TSHZ2: variants seen among roughly 807,000 people sequenced by gnomAD.
The protein encoded by TSHZ2 is teashirt zinc finger homeobox 2.
Under a neutral mutation model 74.4 loss-of-function variants are expected in TSHZ2, and 21 were observed. The ratio of observed to expected loss-of-function variants is 0.28; its 90% CI spans 0.20 to 0.41. The LOEUF (loss-of-function observed/expected upper bound fraction) is 0.41, where lower values mean the gene tolerates loss of function less well. Among genes scored for constraint, TSHZ2 ranks in the 10% least tolerant of loss-of-function variants. The pLI is 1.00. For missense variants in TSHZ2, 1,244 were observed against 1,293.5 expected (o/e 0.96, Z 0.59); for synonymous variants, 540 against 515.3 (o/e 1.05, Z -0.65).
rs1248185489 is a variant in TSHZ2, at chr20:53,158,891, A to G, written c.41-94608A>G. 2.0e-5 allele frequency among the ~76,000 whole-genome samples: 3 copies of G among 152,368 alleles called. No homozygotes were observed. In the East Asian group the frequency reaches 5.8e-4, roughly 29 times the overall value. On this transcript the variant is annotated intron_variant, in intron 1 of 2. Coordinates refer to ENST00000371497, the MANE Select transcript of TSHZ2 (RefSeq NM_173485.6). ...GCCCACTTTGCACACAAAAGCCACAACAATCTTTCTTTAAACCTTAAAACA... is the reference window on the plus strand; with the variant it reads ...GCCCACTTTGCACACAAAAGCCACAGCAATCTTTCTTTAAACCTTAAAACA...
chr20:53,428,771 A>C (rs1451929568), intron 2 of TSHZ2, among the ~76,000 whole-genome samples: 3 of 152,134 alleles, frequency 2.0e-5, no homozygotes, highest in Non-Finnish European at 4.4e-5. Flanking sequence ...CTTCCACATC[A>C]TGCCCCCACA....
intron 2 of TSHZ2, among the ~76,000 whole-genome samples, chr20:53,281,920 G>A (rs1471552653): frequency 6.6e-6 from 1 of 152,204 alleles, no homozygotes; most frequent in East Asian, 1.9e-4. Context: ...GGCAGCAAGG[G>A]CACTCTGTGT....
intron 1 of TSHZ2, among the ~76,000 whole-genome samples, chr20:53,023,758 C>T (rs1983334530): frequency 6.6e-6 from 1 of 152,084 alleles, no homozygotes; most frequent in African/African-American, 2.4e-5. Flanking sequence ...CTGTGGGAAA[C>T]AGGAATATCA....
At position 52,973,079 on chromosome 20, in the gene TSHZ2, G is replaced by A. The variant is rs1201968505; in HGVS notation, c.-215G>A. On this transcript the variant is annotated 5_prime_UTR_variant, in exon 1 of 3. Coordinates refer to ENST00000371497, the MANE Select transcript of TSHZ2 (RefSeq NM_173485.6). ...ACCAACCTCTACTTCAAAGCAGCCG[G>A]CACAAGCCACCCGTGTCTGCCACCC... is the stretch of plus-strand genomic sequence containing the variant. 3.8e-6 allele frequency: 2 copies of A among 528,876 alleles called. No individual in the cohort carries two copies. Among genetic ancestry groups the A allele is most frequent in the East Asian group, 3.3e-5 (1 of 30,650 alleles). The allele number at this position is 528,876 out of a possible 1,614,324, so 32.8% of individuals were successfully genotyped here. A position where few individuals can be genotyped will look rare whatever the true frequency, so the allele number is the denominator to read the frequency against.
intron 2 of TSHZ2, among the ~76,000 whole-genome samples, chr20:53,454,175 A>G (rs1160815340): frequency 6.6e-6 from 1 of 152,214 alleles, no homozygotes; most frequent in Non-Finnish European, 1.5e-5. Flanking sequence ...TGCTAGACTT[A>G]GAGGACCCTT....
At chr20:53,450,732 G>A (rs1013406534) in intron 2 of TSHZ2, among the ~76,000 whole-genome samples, 1 of 152,110 alleles carries the variant, frequency 6.6e-6, no homozygotes, top group African/African-American at 2.4e-5. Context: ...ATGTTGCCCA[G>A]GCTGGTCTTG....
At chr20:53,084,273 C>T (rs1011465993) in intron 1 of TSHZ2, among the ~76,000 whole-genome samples, 3 of 152,168 alleles carry the variant, frequency 2.0e-5, no homozygotes, top group African/African-American at 7.2e-5. Flanking sequence ...TTTGAAGAAC[C>T]CTTGGAATTA....
intron 1 of TSHZ2, among the ~76,000 whole-genome samples, chr20:53,065,257 A>T (rs1328083912): frequency 1.3e-5 from 2 of 152,202 alleles, no homozygotes; most frequent in Non-Finnish European, 2.9e-5. Flanking sequence ...TATTATTACA[A>T]ATTATTGTTG....
At chr20:53,127,548 CTT>C (rs1279453215) in intron 1 of TSHZ2, among the ~76,000 whole-genome samples, 1 of 151,938 alleles carries the variant, frequency 6.6e-6, no homozygotes, top group Non-Finnish European at 1.5e-5. Context: ...TCCAAAAAAA[CTT>C]TTTTTAATAG....
rs577347044 is a variant in TSHZ2 at position 53,236,790 on chromosome 20, T to C, written c.41-16709T>C. Among the ~76,000 whole-genome samples the C allele has an allele frequency of 4.6e-5, 7 of 152,340 alleles. No homozygotes were observed. The South Asian group carries it at 1.0e-3, about 23-fold the overall frequency. Reference sequence around the variant, plus strand: ...AGGCAAAGGAGAAGCAAACATGTCCTTCTTCACATGGCAGCAGGAGAGAGA... The same window carrying C: ...AGGCAAAGGAGAAGCAAACATGTCCCTCTTCACATGGCAGCAGGAGAGAGA... On this transcript the variant is annotated intron_variant, in intron 1 of 2. Transcript: ENST00000371497.
At chr20:53,348,330 A>G (rs1338651203) in intron 2 of TSHZ2, among the ~76,000 whole-genome samples, 6 of 152,240 alleles carry the variant, frequency 3.9e-5, no homozygotes, top group Non-Finnish European at 7.3e-5. Context: ...ATGGTGCAAC[A>G]TGGATGAACC....
intron 1 of TSHZ2, among the ~76,000 whole-genome samples, chr20:53,162,764 G>T (rs1247558977): frequency 2.0e-5 from 3 of 152,108 alleles, no homozygotes; most frequent in African/African-American, 7.2e-5. Flanking sequence ...CTGTTACCTT[G>T]CACATTCTAA....
chr20:53,259,657 G>C (rs2426479), intron 2 of TSHZ2, among the ~76,000 whole-genome samples: 104,787 of 152,100 alleles, frequency 0.69, 36,655 homozygotes, highest in African/African-American at 0.82. Flanking sequence ...TGTTGTGGGC[G>C]GCTTGATAAA....
chr20:53,115,979 G>GCT (rs1986655540), intron 1 of TSHZ2, among the ~76,000 whole-genome samples: 1 of 152,208 alleles, frequency 6.6e-6, no homozygotes, highest in Non-Finnish European at 1.5e-5. Context: ...CCAATGGGCT[G>GCT]CTGTGGTTAC....
intron 2 of TSHZ2, among the ~76,000 whole-genome samples, chr20:53,441,265 AT>A (rs1984310238): frequency 7.0e-5 from 9 of 128,056 alleles, no homozygotes; most frequent in East Asian, 2.3e-4. Flanking sequence ...ATTTTATTTT[AT>A]TTTATTTTAT....
chr20:53,455,559 TTTC>T (rs931762274), intron 2 of TSHZ2: 2 of 152,168 alleles, frequency 1.3e-5, no homozygotes, highest in African/African-American at 4.8e-5. Context: ...TGAATATGTT[TTTC>T]TTTTTTTATT....
chr20:53,361,416 C>T (rs1343289337), intron 2 of TSHZ2, among the ~76,000 whole-genome samples: 2 of 152,224 alleles, frequency 1.3e-5, no homozygotes, highest in African/African-American at 4.8e-5. Flanking sequence ...GCCGAGGCTT[C>T]TCCAACATTC....
chr20:53,168,066 A>G (rs1276896473), intron 1 of TSHZ2, among the ~76,000 whole-genome samples: 3 of 152,110 alleles, frequency 2.0e-5, no homozygotes, highest in African/African-American at 7.2e-5. Context: ...TCAGTTGGTC[A>G]TTGTTCTTTT....
chr20:53,368,288 T>C (rs990652557), intron 2 of TSHZ2, among the ~76,000 whole-genome samples: 21 of 151,556 alleles, frequency 1.4e-4, no homozygotes, highest in Middle Eastern at 6.8e-3. Context: ...GACTCGATGG[T>C]AATTTTTTGT....
Sources: gnomAD v4.1 joint callset for allele counts (sites outside exome capture counted in the v4.1 genomes callset) on GRCh38, gnomAD v4.1.1 for gene constraint, MANE v1.5 for transcripts, NCBI Gene and HGNC (gene_info 2026-07-23, HGNC 2026-07-21) for gene names.